ARHGEF26: variants seen among roughly 807,000 people sequenced by gnomAD.
ARHGEF26 encodes the protein Rho guanine nucleotide exchange factor (GEF) 26.
A neutral mutation model predicts 89.4 loss-of-function variants in ARHGEF26; 59 were observed. That is an observed-to-expected ratio of 0.66 (90% CI 0.54 to 0.82). ARHGEF26 has a LOEUF of 0.82. ARHGEF26 is among the 40% of genes least tolerant of loss of function. ARHGEF26 has a pLI of 0.00. For missense variants in ARHGEF26, 1,234 were observed against 1,085.6 expected (o/e 1.14, Z -1.92); for synonymous variants, 500 against 428.4 (o/e 1.17, Z -2.06).
chr3:154,236,313 T>A (rs1261128073), intron 11 of ARHGEF26, among the ~76,000 whole-genome samples: 3 of 152,210 alleles, frequency 2.0e-5, no homozygotes, highest in African/African-American at 4.8e-5. Flanking sequence ...CTGTTTACAC[T>A]TCAAGCAACA....
chr3:154,164,806 G>T (rs921421522), intron 6 of ARHGEF26, among the ~76,000 whole-genome samples: 1 of 152,068 alleles, frequency 6.6e-6, no homozygotes, highest in African/African-American at 2.4e-5. Context: ...AAATATTTAG[G>T]TGTACATTTG....
chr3:154,237,538 T>TCACACACACACACACACACACA (rs71152796), intron 11 of ARHGEF26, among the ~76,000 whole-genome samples: 10 of 143,202 alleles, frequency 7.0e-5, no homozygotes, highest in African/African-American at 1.3e-4. Flanking sequence ...TGAGACTCCG[T>TCACACACACACACACACACACA]CACACACACA....
chr3:154,221,726 TAC>T (rs1360049280), intron 10 of ARHGEF26, among the ~76,000 whole-genome samples: 4 of 152,214 alleles, frequency 2.6e-5, no homozygotes, highest in Admixed American at 2.6e-4. Context: ...TATAAAAAAA[TAC>T]AGTTTGCTTT....
chr3:154,145,010 C>T (rs1397730306), intron 4 of ARHGEF26, among the ~76,000 whole-genome samples: 1 of 152,176 alleles, frequency 6.6e-6, no homozygotes, highest in African/African-American at 2.4e-5. Flanking sequence ...CCCATCTTGA[C>T]CTCATGTCTA....
At chr3:154,143,453 T>C (rs1265495637) in intron 4 of ARHGEF26, among the ~76,000 whole-genome samples, 1 of 152,208 alleles carries the variant, frequency 6.6e-6, no homozygotes, top group Non-Finnish European at 1.5e-5. Context: ...AAAGCCCACA[T>C]ACTAGCTCCT....
chr3:154,163,276 C>G (rs987368588), intron 6 of ARHGEF26, among the ~76,000 whole-genome samples: 3 of 152,128 alleles, frequency 2.0e-5, no homozygotes, highest in Non-Finnish European at 4.4e-5. Flanking sequence ...CACTTAGAGT[C>G]ACAGCCCCCA....
chr3:154,234,775 A>AT (rs977468749), intron 11 of ARHGEF26, among the ~76,000 whole-genome samples: 20 of 151,604 alleles, frequency 1.3e-4, no homozygotes, highest in Non-Finnish European at 2.2e-4. Context: ...TTTAATTTTA[A>AT]TTTTTTTTGA....
chr3:154,250,398 C>T (rs1718067234), intron 12 of ARHGEF26, among the ~76,000 whole-genome samples: 1 of 152,058 alleles, frequency 6.6e-6, no homozygotes, highest in South Asian at 2.1e-4. Flanking sequence ...GGGGGTGGGA[C>T]TCACTCAATT....
In ARHGEF26 at chr3:154,185,497, G is replaced by A. The variant is rs182510478; in HGVS notation, c.1488-2188G>A. On this transcript the variant is annotated intron_variant, in intron 6 of 14. Coordinates refer to ENST00000465093, the MANE Select transcript of ARHGEF26 (RefSeq NM_015595.4). ...ATTTCTGCTTTATTATATAGGGTAC[G>A]ACTCAAGAACAGCCAAATACAAGGA... 7.0e-3 allele frequency among the ~76,000 whole-genome samples: 1,058 copies of A among 152,196 alleles called. 7 individuals carry two copies. The highest frequency in any genetic ancestry group is 0.01 in the Non-Finnish European group (686 of 68,008).
chr3:154,196,968 A>C (rs888926251), intron 9 of ARHGEF26, among the ~76,000 whole-genome samples: 3 of 152,116 alleles, frequency 2.0e-5, no homozygotes, highest in Admixed American at 6.6e-5. Flanking sequence ...AATGTTACTT[A>C]ATTTTTTTCA....
chr3:154,241,048 T>TA (rs1426011274), intron 12 of ARHGEF26, among the ~76,000 whole-genome samples: 1 of 152,124 alleles, frequency 6.6e-6, no homozygotes, highest in Non-Finnish European at 1.5e-5. Context: ...TTTACGGAAA[T>TA]ATACTGATAA....
chr3:154,130,582 C>T (rs965476346), intron 4 of ARHGEF26, among the ~76,000 whole-genome samples: 5 of 151,682 alleles, frequency 3.3e-5, no homozygotes, highest in African/African-American at 1.2e-4. Context: ...AATTTCTCCT[C>T]TCTGCATCAG....
In ARHGEF26 at chr3:154,255,609, C is replaced by T. The variant is rs966886308; in HGVS notation, c.*136C>T. Reference sequence around the variant, plus strand: ...CGAAAACACTTGCCTTTAAGCTTGCCAGGTTGTTCTGCTCTCTCATGAGAA... The same window carrying T: ...CGAAAACACTTGCCTTTAAGCTTGCTAGGTTGTTCTGCTCTCTCATGAGAA... On this transcript the variant is annotated 3_prime_UTR_variant, in exon 15 of 15. Coordinates refer to ENST00000465093, the MANE Select transcript of ARHGEF26 (RefSeq NM_015595.4). The T allele has an allele frequency of 1.1e-5, 16 of 1,451,850 alleles. No homozygotes were observed. In the African/African-American group the frequency reaches 2.3e-4, roughly 21 times the overall value. The allele number at this position is 1,451,850 out of a possible 1,614,324, so 89.9% of individuals were successfully genotyped here. A position where few individuals can be genotyped will look rare whatever the true frequency, so the allele number is the denominator to read the frequency against.
chr3:154,180,580 T>C (rs1336880065), intron 6 of ARHGEF26, among the ~76,000 whole-genome samples: 1 of 3,482 alleles, frequency 2.9e-4, no homozygotes, highest in East Asian at 0.25. Context: ...AGGTCTGTGC[T>C]GCATCCTCCT....
intron 6 of ARHGEF26, among the ~76,000 whole-genome samples, chr3:154,184,561 T>G (rs1375372960): frequency 1.3e-5 from 2 of 152,210 alleles, no homozygotes; most frequent in African/African-American, 4.8e-5. Flanking sequence ...GGTGGAAACC[T>G]TGACCAGAAA....
At chr3:154,121,710 G>A (rs1438604644) in intron 1 of ARHGEF26, among the ~76,000 whole-genome samples, 191 bp downstream of exon 1, 1 of 152,218 alleles carries the variant, frequency 6.6e-6, no homozygotes, top group East Asian at 1.9e-4. Flanking sequence ...GTGGTCTTTT[G>A]GCGCGGGAGG....
At position 154,255,936 on chromosome 3, in the gene ARHGEF26, T is replaced by G. The variant is rs1360472782; in HGVS notation, c.*463T>G. 1 of 986,664 alleles carries G rather than the reference T, an allele frequency of 1.0e-6. No individual in the cohort carries two copies. The highest frequency in any genetic ancestry group is 6.1e-5 in the Admixed American group (1 of 16,318). 61.1% of individuals were successfully genotyped at this position (986,664 alleles called of 1,614,324 possible). ...AAATATTTCCCTGCCTTTTTTTTTC[T>G]TTTTTTACATCTGATTTTAATGCTT... On this transcript the variant is annotated 3_prime_UTR_variant, in exon 15 of 15. Transcript: ENST00000465093.
At chr3:154,141,692 A>G (rs1490111169) in intron 4 of ARHGEF26, among the ~76,000 whole-genome samples, 1 of 152,214 alleles carries the variant, frequency 6.6e-6, no homozygotes, top group Non-Finnish European at 1.5e-5. Flanking sequence ...GTGTGTCTGA[A>G]TGTGTATGTT....
rs200140877 is a variant in ARHGEF26 at position 154,122,014 on chromosome 3, G to A, written c.22G>A (p.Asp8Asn). The change falls in exon 2 of 15, where the codon GAT becomes AAT. Residue 8 changes from aspartate (D) to asparagine (N), a missense_variant. Coordinates refer to ENST00000465093, the MANE Select transcript of ARHGEF26 (RefSeq NM_015595.4). ...GGCTATGGACGGCGAGAGCGAGGTGGATTTTTCTAGCAACAGCATAACCCC... is the reference window on the plus strand; with the variant it reads ...GGCTATGGACGGCGAGAGCGAGGTGAATTTTTCTAGCAACAGCATAACCCC... MDGESEV[D>N]FSSNSITPLW... 1,896 of 1,595,380 alleles carry A rather than the reference G, an allele frequency of 1.2e-3. 6 individuals are homozygous for A. Among genetic ancestry groups the A allele is most frequent in the South Asian group, 2.9e-3 (261 of 90,626 alleles).
Sources: allele counts gnomAD v4.1 joint callset (sites outside exome capture counted in the v4.1 genomes callset), GRCh38; gene constraint gnomAD v4.1.1; transcripts MANE v1.5; gene names NCBI Gene and HGNC (gene_info 2026-07-23, HGNC 2026-07-21).